NPHP1: variants seen among roughly 807,000 people sequenced by gnomAD.
NPHP1 encodes nephrocystin-1.
In NPHP1, 70 loss-of-function variants were observed where a neutral mutation model predicts 90.4. That is an observed-to-expected ratio of 0.77 (90% confidence interval 0.64 to 0.95). The LOEUF (loss-of-function observed/expected upper bound fraction) is 0.95, where lower values mean the gene tolerates loss of function less well. Ranked by LOEUF, NPHP1 falls within the 40% of genes least tolerant of loss-of-function variation. The pLI is 0.00. For synonymous variants in NPHP1, 256 were observed against 271.7 expected, an observed-to-expected ratio of 0.94 and a Z score of 0.57; for missense variants, 764 against 795.9, an observed-to-expected ratio of 0.96 and a Z score of 0.48.
At chr2:110,125,489 T>A (rs1460303612) in intron 19 of NPHP1, 148 bp downstream of exon 19, 1 of 1,132,924 alleles carries the variant, frequency 8.8e-7, no homozygotes, top group African/African-American at 1.5e-5. Flanking sequence ...TCTTGGAATG[T>A]GTTTTTGCAG....
At chr2:110,204,289 A>C (rs981232064) in intron 1 of NPHP1, among the ~76,000 whole-genome samples, 1 of 152,154 alleles carries the variant, frequency 6.6e-6, no homozygotes, top group Non-Finnish European at 1.5e-5. Context: ...CATTTTTGTG[A>C]TACCTTATGT....
At chr2:110,149,650 A>C (rs1235962599) in intron 12 of NPHP1, among the ~76,000 whole-genome samples, 2 of 152,208 alleles carry the variant, frequency 1.3e-5, no homozygotes, top group Non-Finnish European at 2.9e-5. Context: ...TAAATACTAA[A>C]TTAATGAGAC....
intron 12 of NPHP1, 69 bp from the exon 13 acceptor site, chr2:110,148,095 A>AAT (rs2104497586): frequency 1.0e-6 from 1 of 986,882 alleles, no homozygotes; most frequent in Non-Finnish European, 1.6e-6. Context: ...ATGTGGTTTG[A>AAT]ATAAATGTCC....
intron 11 of NPHP1, among the ~76,000 whole-genome samples, chr2:110,152,268 G>A (rs1681529716): frequency 6.6e-6 from 1 of 151,770 alleles, no homozygotes; most frequent in African/African-American, 2.4e-5. Context: ...AGCTTGGGCA[G>A]CATAGTGAAA....
intron 3 of NPHP1, 98 bp from the exon 4 acceptor site, chr2:110,178,645 G>C: frequency 9.6e-7 from 1 of 1,038,684 alleles, no homozygotes; most frequent in South Asian, 1.6e-5. Flanking sequence ...ATATAACAAA[G>C]TAAATATCAG....
intron 8 of NPHP1, chr2:110,164,462 C>T (rs1022529078): frequency 1.2e-6 from 1 of 839,144 alleles, no homozygotes; most frequent in Admixed American, 1.8e-5. Context: ...TCAAGTGACA[C>T]CATGAATTAT....
chr2:110,133,847 C>T (rs372669470), intron 16 of NPHP1, among the ~76,000 whole-genome samples: 11 of 151,884 alleles, frequency 7.2e-5, no homozygotes, highest in African/African-American at 2.4e-4. Flanking sequence ...GAAAACACAA[C>T]ATACCAAAAT....
At chr2:110,144,120 T>C (rs1171110392) in intron 15 of NPHP1, 1 of 322,566 alleles carries the variant, frequency 3.1e-6, no homozygotes, top group African/African-American at 2.2e-5. Context: ...TTAATGAACA[T>C]AGTAAAAGAT....
chr2:110,155,098 C>A (rs113910892), intron 11 of NPHP1, among the ~76,000 whole-genome samples: 47,436 of 151,610 alleles, frequency 0.31, 8,008 homozygotes, highest in East Asian at 0.58. Flanking sequence ...GCCCTGTGTC[C>A]CAGCCACTCC....
intron 2 of NPHP1, among the ~76,000 whole-genome samples, chr2:110,193,777 T>C (rs1459540378): frequency 6.6e-6 from 1 of 151,966 alleles, no homozygotes; most frequent in Non-Finnish European, 1.5e-5. Flanking sequence ...CCTCAGCAAA[T>C]GTAAAAGAAC....
rs112428035 is a variant in NPHP1, at chr2:110,125,284, A to AT, written c.1761+352dup. ...TTCAATATATGGTACAGCTCAGGCC[A>AT]TTTTTTTTTCCCTTCTCTTGGTGAT... On this transcript the variant is annotated intron_variant, in intron 19 of 19. Transcript: ENST00000445609. 3.0e-3 allele frequency: 4,493 copies of AT among 1,517,226 alleles called. 96 individuals are homozygous for AT. In the African/African-American group the frequency reaches 0.048, roughly 16 times the overall value. 94.0% of individuals were successfully genotyped at this position (1,517,226 alleles called of 1,614,324 possible).
chr2:110,201,333 C>A, intron 2 of NPHP1, 88 bp downstream of exon 2: 1 of 880,914 alleles, frequency 1.1e-6, no homozygotes, highest in Non-Finnish European at 1.9e-6. Context: ...CCATTTGATT[C>A]CAAAGGACCA....
chr2:110,138,214 T>C (rs1680358393), intron 16 of NPHP1, among the ~76,000 whole-genome samples: 1 of 151,970 alleles, frequency 6.6e-6, no homozygotes, highest in Non-Finnish European at 1.5e-5. Context: ...GAGATATACC[T>C]AATGTTAAAT....
intron 8 of NPHP1, 135 bp downstream of exon 8, chr2:110,164,553 T>C: frequency 6.3e-7 from 1 of 1,582,012 alleles, no homozygotes; most frequent in Non-Finnish European, 8.7e-7. Flanking sequence ...GAAATATACG[T>C]CCTCTGCTCT....
At chr2:110,172,259 T>A (rs1683185852) in intron 4 of NPHP1, among the ~76,000 whole-genome samples, 1 of 152,140 alleles carries the variant, frequency 6.6e-6, no homozygotes, top group Non-Finnish European at 1.5e-5. Context: ...CTCTCTCTTT[T>A]CTTGATCAGT....
rs372637635 is a variant in NPHP1 at position 110,168,518 on chromosome 2, A to C, written c.558T>G (p.Pro186=). 198 of 1,613,176 alleles carry C rather than the reference A, an allele frequency of 1.2e-4. No homozygotes were observed. Among genetic ancestry groups the C allele is most frequent in the Non-Finnish European group, 1.6e-4 (186 of 1,179,336 alleles). The change falls in exon 6 of 20, where the codon CCT becomes CCG. Residue 186 remains proline, a synonymous_variant. Transcript: ENST00000445609. ...CATCCTTAGCTATCCACCAACCATC[A>C]GGTTTTTTTTCAATTACAAGGAGAA... ...GEILLVIEKK[P]DGWWIAKDAK... is the part of the protein sequence containing the mutation.
In NPHP1 at chr2:110,129,251, T is replaced by G; in HGVS notation, c.1651A>C (p.Ser551Arg). ...RMSLQSTDLISHPMLATFPML... is the reference protein window; with the variant it reads ...RMSLQSTDLIRHPMLATFPML... ...GGGAAGGTGGCCAGCATGGGATGGC[T>G]AATTAAATCTGAAATGCAAAACAAC... The change falls in exon 18 of 20, where the codon AGC (serine) becomes CGC (arginine). Residue 551 changes from serine to arginine, a missense_variant. Transcript: ENST00000445609. 3 of 1,612,640 alleles carry G rather than the reference T, an allele frequency of 1.9e-6. No individual in the cohort carries two copies. The highest frequency in any genetic ancestry group is 2.5e-6 in the Non-Finnish European group (3 of 1,178,764).
intron 1 of NPHP1, 36 bp from the exon 2 acceptor site, chr2:110,201,530 A>T: frequency 7.1e-7 from 1 of 1,403,622 alleles, no homozygotes; most frequent in Non-Finnish European, 1.0e-6. Context: ...ATTATTAAAT[A>T]CCATATCGCC....
At chr2:110,152,250 T>G (rs1681528099) in intron 11 of NPHP1, among the ~76,000 whole-genome samples, 2 of 151,642 alleles carry the variant, frequency 1.3e-5, no homozygotes, top group African/African-American at 4.8e-5. Context: ...GCTCAGGAGT[T>G]CGGGACCAGC....
Sources: allele counts gnomAD v4.1 joint callset (sites outside exome capture counted in the v4.1 genomes callset), GRCh38; gene constraint gnomAD v4.1.1; transcripts MANE v1.5; gene names NCBI Gene and HGNC (gene_info 2026-07-23, HGNC 2026-07-21).